Variants in KCNQ5 observed in about 807,000 individuals in gnomAD.
KCNQ5 encodes the protein potassium voltage-gated channel subfamily KQT member 5.
In KCNQ5, 30 loss-of-function variants were observed where a neutral mutation model predicts 98.2. The ratio of observed to expected loss-of-function variants is 0.31; its 90% confidence interval spans 0.23 to 0.41. KCNQ5 has a LOEUF of 0.41. Ranked by LOEUF, KCNQ5 falls within the 10% of genes least tolerant of loss-of-function variation. The pLI, the probability that KCNQ5 is intolerant of heterozygous loss-of-function variation, is 1.00. For synonymous variants in KCNQ5, 458 were observed against 449.4 expected, an observed-to-expected ratio of 1.02 and a Z score of -0.24; for missense variants, 835 against 1,182.5, an observed-to-expected ratio of 0.71 and a Z score of 4.31.
At chr6:72,978,326 AT>A (rs1425946688) in intron 1 of KCNQ5, among the ~76,000 whole-genome samples, 2 of 152,230 alleles carry the variant, frequency 1.3e-5, no homozygotes, top group South Asian at 4.1e-4. Context: ...AGATTTCTAA[AT>A]TGTAGATCTT....
At chr6:73,122,773 C>A (rs753686643) in intron 8 of KCNQ5, among the ~76,000 whole-genome samples, 1 of 152,142 alleles carries the variant, frequency 6.6e-6, no homozygotes, top group Non-Finnish European at 1.5e-5. Context: ...AATCAATGCA[C>A]GAGAAAATCA....
At chr6:73,175,056 C>T (rs1183725559) in intron 11 of KCNQ5, among the ~76,000 whole-genome samples, 1 of 152,130 alleles carries the variant, frequency 6.6e-6, no homozygotes, top group Non-Finnish European at 1.5e-5. Flanking sequence ...CACAGCCTCA[C>T]CTGCTTGCAT....
At chr6:72,862,694 A>T (rs1197287810) in intron 1 of KCNQ5, among the ~76,000 whole-genome samples, 3 of 151,876 alleles carry the variant, frequency 2.0e-5, no homozygotes, top group Admixed American at 6.6e-5. Flanking sequence ...GTGGTGCAAT[A>T]TTGGCTCATT....
At chr6:73,017,631 A>G (rs554015161) in intron 2 of KCNQ5, among the ~76,000 whole-genome samples, 9 of 152,174 alleles carry the variant, frequency 5.9e-5, no homozygotes, top group Non-Finnish European at 1.2e-4. Flanking sequence ...GCTGGATTCA[A>G]TGAAAACGCT....
rs574068437 is a variant in KCNQ5 at position 72,809,159 on chromosome 6, G to A, written c.398+186572G>A. On this transcript the variant is annotated intron_variant, in intron 1 of 13. Coordinates refer to ENST00000370398, the MANE Select transcript of KCNQ5 (RefSeq NM_019842.4). ...TCGCAAGAACAAAAAACCAAACACCGCATATTCTCACTCATAGGTGGGAAT... is the reference window on the plus strand; with the variant it reads ...TCGCAAGAACAAAAAACCAAACACCACATATTCTCACTCATAGGTGGGAAT... Among the ~76,000 whole-genome samples, 70 of 145,590 alleles carry A rather than the reference G, an allele frequency of 4.8e-4. 3 individuals carry two copies. In the South Asian group the frequency reaches 0.011, roughly 23 times the overall value.
intron 1 of KCNQ5, among the ~76,000 whole-genome samples, chr6:72,862,828 G>C (rs893138348): frequency 2.6e-5 from 4 of 151,960 alleles, no homozygotes; most frequent in Non-Finnish European, 5.9e-5. Flanking sequence ...AAGTCTCACT[G>C]TGTTGCCCAG....
At chr6:73,183,942 T>A (rs1274985310) in intron 11 of KCNQ5, among the ~76,000 whole-genome samples, 1 of 152,184 alleles carries the variant, frequency 6.6e-6, no homozygotes, top group Non-Finnish European at 1.5e-5. Context: ...CTCCTAGGAA[T>A]GAAAAACTGA....
At chr6:73,147,394 G>A (rs1302991840) in intron 10 of KCNQ5, among the ~76,000 whole-genome samples, 1 of 151,912 alleles carries the variant, frequency 6.6e-6, no homozygotes, top group African/African-American at 2.4e-5. Flanking sequence ...GTACTTGATG[G>A]CAATTTCTAC....
rs149121645 is a variant in KCNQ5 at position 72,831,843 on chromosome 6, G to A, written c.399-172065G>A. ...ACTGGAGTACAGAGAACATTAGAGT[G>A]GGGCTTTAGTGAGGTGTGTGGGCCT... On this transcript the variant is annotated intron_variant, in intron 1 of 13. Transcript: ENST00000370398. Among the ~76,000 whole-genome samples, 561 of 152,174 alleles carry A rather than the reference G, an allele frequency of 3.7e-3. 8 individuals carry two copies. Among genetic ancestry groups the A allele is most frequent in the African/African-American group, 0.012 (517 of 41,516 alleles).
intron 1 of KCNQ5, among the ~76,000 whole-genome samples, chr6:72,757,967 T>C (rs1192382226): frequency 6.6e-6 from 1 of 152,044 alleles, no homozygotes; most frequent in African/African-American, 2.4e-5. Flanking sequence ...GAGACTTCAG[T>C]GGCTGCAGTA....
At position 72,774,052 on chromosome 6, in the gene KCNQ5, A is replaced by G. The variant is rs897090513; in HGVS notation, c.398+151465A>G. On this transcript the variant is annotated intron_variant, in intron 1 of 13. Coordinates refer to ENST00000370398, the MANE Select transcript of KCNQ5 (RefSeq NM_019842.4). ...CAGCAAGAACTGCAAGGTCAATTGG[A>G]TAGCCTTATGGAAAAAAAAATGAAT... is the stretch of plus-strand genomic sequence containing the variant. 4.6e-5 allele frequency among the ~76,000 whole-genome samples: 7 copies of G among 152,226 alleles called. No individual in the cohort carries two copies. In the East Asian group the frequency reaches 1.4e-3, roughly 29 times the overall value.
chr6:72,665,492 G>T (rs973171719), intron 1 of KCNQ5, among the ~76,000 whole-genome samples: 6 of 152,042 alleles, frequency 3.9e-5, no homozygotes, highest in Non-Finnish European at 8.8e-5. Flanking sequence ...TTTCTGAAAA[G>T]AAAATCAAAA....
At chr6:72,897,482 C>T (rs888432037) in intron 1 of KCNQ5, among the ~76,000 whole-genome samples, 3 of 152,002 alleles carry the variant, frequency 2.0e-5, no homozygotes, top group Non-Finnish European at 2.9e-5. Flanking sequence ...ACAGCTGTTG[C>T]GGGGAGCCGA....
intron 6 of KCNQ5, among the ~76,000 whole-genome samples, chr6:73,110,111 A>C (rs1432217539): frequency 6.6e-6 from 1 of 152,216 alleles, no homozygotes; most frequent in Non-Finnish European, 1.5e-5. Flanking sequence ...AGCTACTCTA[A>C]AAATAAAAAG....
chr6:72,832,968 G>T (rs1776348996), intron 1 of KCNQ5, among the ~76,000 whole-genome samples: 1 of 152,134 alleles, frequency 6.6e-6, no homozygotes, highest in South Asian at 2.1e-4. Flanking sequence ...TTTCCTGCTT[G>T]CCATGGACAG....
chr6:73,133,589 C>T lies in KCNQ5; in HGVS notation c.1416C>T (p.Arg472=), dbSNP rs774879902. Residue 472 remains arginine, a synonymous_variant, in exon 10 of 14, where the codon CGC becomes CGT. Coordinates refer to ENST00000370398, the MANE Select transcript of KCNQ5 (RefSeq NM_019842.4). ...QKSWSFNDRT[R]FRPSLRLKSS... is the part of the protein sequence containing the mutation. Reference sequence around the variant, plus strand: ...GCTGGAGCTTCAACGACCGAACCCGCTTCCGGCCCTCGCTGCGCCTCAAAA... The same window carrying T: ...GCTGGAGCTTCAACGACCGAACCCGTTTCCGGCCCTCGCTGCGCCTCAAAA... 6.2e-7 allele frequency: 1 copy of T among 1,614,224 alleles called. No individual in the cohort carries two copies. The highest frequency in any genetic ancestry group is 8.5e-7 in the Non-Finnish European group (1 of 1,180,044).
intron 1 of KCNQ5, among the ~76,000 whole-genome samples, chr6:72,701,734 A>G (rs1348241205): frequency 6.6e-6 from 1 of 151,962 alleles, no homozygotes; most frequent in Non-Finnish European, 1.5e-5. Context: ...TAATTTTTTG[A>G]GACAGAGTCT....
At chr6:72,816,370 C>T (rs1409937803) in intron 1 of KCNQ5, among the ~76,000 whole-genome samples, 1 of 152,152 alleles carries the variant, frequency 6.6e-6, no homozygotes, top group Non-Finnish European at 1.5e-5. Context: ...GCAAAGACAT[C>T]CTAGAATTAT....
intron 1 of KCNQ5, among the ~76,000 whole-genome samples, chr6:72,828,602 A>T (rs779191678): frequency 6.6e-6 from 1 of 152,160 alleles, no homozygotes; most frequent in Admixed American, 6.6e-5. Context: ...TTCGTTTATC[A>T]GTACTAAGAG....
Sources: allele counts gnomAD v4.1 joint callset (sites outside exome capture counted in the v4.1 genomes callset), GRCh38; gene constraint gnomAD v4.1.1; transcripts MANE v1.5; gene names NCBI Gene and HGNC (gene_info 2026-07-23, HGNC 2026-07-21).